Variants in PCYOX1L observed in about 807,000 individuals in gnomAD.
PCYOX1L encodes prenylcysteine oxidase 1 like, also known as prenylcysteine oxidase 1-like.
PCYOX1L carries 40 observed loss-of-function variants against 44.1 expected under a neutral mutation model. That is an observed-to-expected ratio of 0.91 (90% CI 0.70 to 1.18). PCYOX1L has a LOEUF of 1.18. Ranked by LOEUF, PCYOX1L falls within the 50% of genes most tolerant of loss-of-function variation. PCYOX1L has a pLI of 0.00. For missense variants in PCYOX1L, 605 were observed against 653.3 expected, an observed-to-expected ratio of 0.93 and a Z score of 0.81; for synonymous variants, 266 against 282.8, an observed-to-expected ratio of 0.94 and a Z score of 0.60.
At chr5:149,358,284 TGGA>T in intron 1 of PCYOX1L, 128 bp downstream of exon 1, 3 of 1,246,210 alleles carry the variant, frequency 2.4e-6, no homozygotes, top group Non-Finnish European at 3.0e-6. Context: ...AGGAGCTGGG[TGGA>T]GGAGAGGCGC....
chr5:149,365,702 A>C, intron 3 of PCYOX1L: 1 of 570,082 alleles, frequency 1.8e-6, no homozygotes, highest in East Asian at 3.0e-5. Context: ...GTTACTCAGC[A>C]CAGCCGTGAT....
rs1482054231 is a variant in PCYOX1L, at chr5:149,368,768, T to A, written c.*114T>A. ...CACCAGGCTTCTTTCTGACCCCTCA[T>A]GTATCAAGCATCTCCAGGTGACCTA... On this transcript the variant is annotated 3_prime_UTR_variant, in exon 6 of 6. Coordinates refer to ENST00000274569, the MANE Select transcript of PCYOX1L (RefSeq NM_024028.4). 8 of 1,097,578 alleles carry A rather than the reference T, an allele frequency of 7.3e-6. No individual in the cohort carries two copies. Among genetic ancestry groups the A allele is most frequent in the Non-Finnish European group, 9.8e-6 (8 of 813,376 alleles). 68.0% of individuals were successfully genotyped at this position (1,097,578 alleles called of 1,614,324 possible). A position where few individuals can be genotyped will look rare whatever the true frequency, so the allele number is the denominator to read the frequency against.
intron 1 of PCYOX1L, 85 bp from the exon 2 acceptor site, chr5:149,362,552 C>T (rs556962478): frequency 5.4e-5 from 77 of 1,413,528 alleles, no homozygotes; most frequent in Non-Finnish European, 7.2e-5. Context: ...GAACCACCAG[C>T]GCAGGAGGAT....
At chr5:149,363,153 G>A (rs1309908077) in intron 2 of PCYOX1L, 12 of 487,992 alleles carry the variant, frequency 2.5e-5, no homozygotes, top group Non-Finnish European at 4.0e-5. Flanking sequence ...CACCTTCTGG[G>A]TGGTATGTAG....
chr5:149,368,366 C>G lies in PCYOX1L; in HGVS notation c.1197C>G (p.Pro399=). The G allele has an allele frequency of 6.2e-7, 1 of 1,614,210 alleles. No individual in the cohort carries two copies. The highest frequency in any genetic ancestry group is 2.2e-5 in the East Asian group (1 of 44,884). Residue 399 remains proline (P), a synonymous_variant, in exon 6 of 6, where the codon CCC becomes CCG. Transcript: ENST00000274569. ...QEAAVWRVQS[P]KPLFRTQLKT... Reference sequence around the variant, plus strand: ...CAGCTGTTTGGCGAGTCCAGTCCCCCAAGCCCCTCTTTCGGACCCAGCTAA... The same window carrying G: ...CAGCTGTTTGGCGAGTCCAGTCCCCGAAGCCCCTCTTTCGGACCCAGCTAA...
At chr5:149,367,618 A>G (rs1191443863) in intron 5 of PCYOX1L, 118 bp downstream of exon 5, 7 of 1,381,086 alleles carry the variant, frequency 5.1e-6, no homozygotes, top group Non-Finnish European at 6.7e-6. Flanking sequence ...TTTCCGAAAA[A>G]GCATTGAGAA....
In PCYOX1L at chr5:149,363,012, A is replaced by G. The variant is rs778943969; in HGVS notation, c.295+169A>G. On this transcript the variant is annotated intron_variant, in intron 2 of 5. Transcript: ENST00000274569. ...GAGGGGAAGGAACTTGCCTGAGGTT[A>G]CACAGTGAGTTAGTTGCAGAGCCGG... 13 of 807,462 alleles carry G rather than the reference A, an allele frequency of 1.6e-5. No individual in the cohort carries two copies. The Admixed American group carries it at 1.8e-4, about 11-fold the overall frequency. 50.0% of individuals were successfully genotyped at this position (807,462 alleles called of 1,614,324 possible).
chr5:149,368,524 C>T lies in PCYOX1L; in HGVS notation c.1355C>T (p.Ala452Val), dbSNP rs1332570503. The T allele has an allele frequency of 8.7e-6, 14 of 1,609,764 alleles. No homozygotes were observed. Among genetic ancestry groups the T allele is most frequent in the Non-Finnish European group, 1.1e-5 (13 of 1,178,000 alleles). ...QLFYLNALEW[A>V]ASSVEVMAVA... is the part of the protein sequence containing the mutation. ...TTCTACCTCAATGCCCTGGAGTGGG[C>T]GGCCAGCTCCGTGGAGGTGATGGCC... The change falls in exon 6 of 6, where the codon GCG becomes GTG. Residue 452 changes from alanine (A) to valine (V), a missense_variant. Physicochemically the swap from Ala to Val is moderately conservative, Grantham distance 64 (BLOSUM62 0). Coordinates refer to ENST00000274569, the MANE Select transcript of PCYOX1L (RefSeq NM_024028.4).
chr5:149,358,252 G>T, intron 1 of PCYOX1L, 96 bp downstream of exon 1: 1 of 1,273,420 alleles, frequency 7.9e-7, no homozygotes, highest in Non-Finnish European at 9.9e-7. Flanking sequence ...GGGCGGCTGG[G>T]TGAGGGAGGG....
At chr5:149,360,554 C>G (rs1052447252) in intron 1 of PCYOX1L, among the ~76,000 whole-genome samples, 1 of 151,934 alleles carries the variant, frequency 6.6e-6, no homozygotes, top group South Asian at 2.1e-4. Context: ...ATCATGCACT[C>G]TCTCTCTGTC....
chr5:149,359,525 G>A (rs1272121707), intron 1 of PCYOX1L, among the ~76,000 whole-genome samples: 10 of 152,238 alleles, frequency 6.6e-5, no homozygotes, highest in Admixed American at 3.3e-4. Flanking sequence ...TCCTTAGATC[G>A]TTTGAATACA....
chr5:149,358,236 A>G (rs950247396), intron 1 of PCYOX1L, 80 bp downstream of exon 1: 22 of 1,291,074 alleles, frequency 1.7e-5, no homozygotes, highest in South Asian at 2.2e-5. Context: ...TAGGTGGGGT[A>G]TAGGAGGGCG....
chr5:149,363,787 C>A (rs768542944), intron 2 of PCYOX1L: 55 of 482,292 alleles, frequency 1.1e-4, no homozygotes, highest in Non-Finnish European at 3.0e-5. Flanking sequence ...GGGATAAAAT[C>A]TGAATTTCCC....
At chr5:149,362,990 G>T in intron 2 of PCYOX1L, 147 bp downstream of exon 2, 1 of 955,386 alleles carries the variant, frequency 1.0e-6, no homozygotes, top group Non-Finnish European at 1.6e-6. Context: ...AACAAGAGAG[G>T]GGAAGGAACT....
chr5:149,366,245 A>G, intron 4 of PCYOX1L, 92 bp downstream of exon 4: 1 of 1,321,856 alleles, frequency 7.6e-7, no homozygotes, highest in Non-Finnish European at 1.0e-6. Flanking sequence ...CCTCACTTTT[A>G]TCCAGCTCAT....
chr5:149,363,702 A>G, intron 2 of PCYOX1L: 1 of 329,206 alleles, frequency 3.0e-6, no homozygotes. Context: ...GAGCTAGGAT[A>G]ACTTCCAAGT....
At chr5:149,363,765 C>G (rs1758100111) in intron 2 of PCYOX1L, 2 of 438,930 alleles carry the variant, frequency 4.6e-6, no homozygotes, top group African/African-American at 2.0e-5. Flanking sequence ...GCTGTCACCC[C>G]CTGGACATTC....
intron 1 of PCYOX1L, chr5:149,361,959 T>C: frequency 6.5e-6 from 1 of 152,882 alleles, no homozygotes; most frequent in Middle Eastern, 3.2e-3. Flanking sequence ...AACACAGACA[T>C]AAGGATGATT....
At chr5:149,362,406 C>T (rs775455827) in intron 1 of PCYOX1L, 17 of 542,966 alleles carry the variant, frequency 3.1e-5, no homozygotes, top group Non-Finnish European at 5.6e-5. Context: ...TGCAAAATAC[C>T]TTTTTCTTTA....
Sources: gnomAD v4.1 joint callset for allele counts (sites outside exome capture counted in the v4.1 genomes callset) on GRCh38, gnomAD v4.1.1 for gene constraint, MANE v1.5 for transcripts, NCBI Gene and HGNC (gene_info 2026-07-23, HGNC 2026-07-21) for gene names.